The following PRKCA variants were observed in gnomAD, a reference collection of about 807,000 sequenced individuals.
PRKCA encodes protein kinase C alpha.
Under a neutral mutation model 87.0 loss-of-function variants are expected in PRKCA, and 27 were observed. The observed-to-expected ratio is 0.31, with a 90% CI of 0.23 to 0.43. The LOEUF (loss-of-function observed/expected upper bound fraction) is 0.43. Ranked by LOEUF, PRKCA falls within the 20% of genes least tolerant of loss-of-function variation. The pLI is 1.00. For synonymous variants in PRKCA, 329 were observed against 311.1 expected (o/e 1.06, Z -0.61); for missense variants, 518 against 852.3 (o/e 0.61, Z 4.88).
intron 3 of PRKCA, among the ~76,000 whole-genome samples, chr17:66,625,617 G>C (rs1213336160): frequency 6.6e-6 from 1 of 152,108 alleles, no homozygotes; most frequent in Non-Finnish European, 1.5e-5. Flanking sequence ...CTGTCCTCAG[G>C]GGAAAATAGC....
At chr17:66,569,630 G>A (rs1174495282) in intron 3 of PRKCA, among the ~76,000 whole-genome samples, 1 of 152,078 alleles carries the variant, frequency 6.6e-6, no homozygotes, top group Non-Finnish European at 1.5e-5. Context: ...AGAAAAATGG[G>A]GAGGAGATTT....
intron 13 of PRKCA, among the ~76,000 whole-genome samples, chr17:66,746,718 A>G (rs772727869): frequency 2.0e-5 from 3 of 152,190 alleles, no homozygotes; most frequent in Non-Finnish European, 4.4e-5. Flanking sequence ...ATGGACACCC[A>G]CAGAAGGAGC....
chr17:66,790,429 C>T (rs1000552682), intron 16 of PRKCA, among the ~76,000 whole-genome samples: 1 of 152,164 alleles, frequency 6.6e-6, no homozygotes, highest in African/African-American at 2.4e-5. Context: ...TCACGGGCTC[C>T]TGCCCCTCAA....
chr17:66,777,125 G>C (rs560839898), intron 14 of PRKCA: 1 of 692,254 alleles, frequency 1.4e-6, no homozygotes, highest in East Asian at 1.3e-4. Flanking sequence ...ACCACCTGAT[G>C]GTCGCCTGAC....
At chr17:66,624,377 AG>A (rs1970783019) in intron 3 of PRKCA, among the ~76,000 whole-genome samples, 1 of 152,190 alleles carries the variant, frequency 6.6e-6, no homozygotes, top group Non-Finnish European at 1.5e-5. Flanking sequence ...CTACTATTGT[AG>A]TACTTTGGGG....
chr17:66,729,938 G>A (rs555593668), intron 8 of PRKCA, among the ~76,000 whole-genome samples: 64 of 152,100 alleles, frequency 4.2e-4, no homozygotes, highest in African/African-American at 1.4e-3. Context: ...TTATAGGCAT[G>A]TGCCACCATG....
chr17:66,706,796 G>T (rs1973205095), intron 8 of PRKCA, among the ~76,000 whole-genome samples: 1 of 152,172 alleles, frequency 6.6e-6, no homozygotes, highest in African/African-American at 2.4e-5. Context: ...GTCCACAGCT[G>T]TTCCTTTGCT....
chr17:66,646,659 A>T (rs1201540649), intron 5 of PRKCA, among the ~76,000 whole-genome samples: 2 of 152,198 alleles, frequency 1.3e-5, no homozygotes, highest in Non-Finnish European at 2.9e-5. Context: ...TGTTTTAAGA[A>T]AAAAAGGGGA....
intron 3 of PRKCA, among the ~76,000 whole-genome samples, chr17:66,555,211 T>A (rs1968459303): frequency 6.6e-6 from 1 of 152,226 alleles, no homozygotes; most frequent in Non-Finnish European, 1.5e-5. Context: ...GCAGGTATCG[T>A]ATCTTTCTGT....
At chr17:66,466,916 A>AT (rs1915112021) in intron 2 of PRKCA, among the ~76,000 whole-genome samples, 1 of 152,082 alleles carries the variant, frequency 6.6e-6, no homozygotes, top group Non-Finnish European at 1.5e-5. Context: ...CTCAGTTTAA[A>AT]TTTGTGACTG....
intron 2 of PRKCA, among the ~76,000 whole-genome samples, chr17:66,332,229 C>CTTT (rs59302970): frequency 2.3e-5 from 3 of 129,920 alleles, no homozygotes; most frequent in African/African-American, 9.2e-5. Context: ...TTCCTTCCTT[C>CTTT]TTTTTTTTTT....
chr17:66,563,987 CT>C (rs1968799313), intron 3 of PRKCA, among the ~76,000 whole-genome samples: 1 of 128,318 alleles, frequency 7.8e-6, no homozygotes, highest in East Asian at 2.3e-4. Context: ...TCCTTCCTTC[CT>C]TCCTTCCTTC....
intron 2 of PRKCA, among the ~76,000 whole-genome samples, chr17:66,441,006 C>CA (rs112603222): frequency 2.0e-4 from 30 of 151,616 alleles, no homozygotes; most frequent in African/African-American, 5.1e-4. Context: ...ACTAAAAATA[C>CA]AAAAAATTAG....
rs1458635432 is a variant in PRKCA at position 66,387,082 on chromosome 17, G to T, written c.205+80955G>T. ...AATGGGGCTTGATATTTGCATATGG[G>T]CAGGTACATCCTGCTTAATGAACAG... On this transcript the variant is annotated intron_variant, in intron 2 of 16. Coordinates refer to ENST00000413366, the MANE Select transcript of PRKCA (RefSeq NM_002737.3). Among the ~76,000 whole-genome samples the T allele has an allele frequency of 2.0e-5, 3 of 152,176 alleles. No homozygotes were observed. The East Asian group carries it at 5.8e-4, about 29-fold the overall frequency.
At chr17:66,462,087 T>C (rs1207680004) in intron 2 of PRKCA, among the ~76,000 whole-genome samples, 5 of 152,156 alleles carry the variant, frequency 3.3e-5, no homozygotes, top group Admixed American at 2.0e-4. Flanking sequence ...GTGTGTGATA[T>C]ATTCTTTTAA....
chr17:66,494,886 T>C lies in PRKCA; in HGVS notation c.206-1315T>C, dbSNP rs371799152. Among the ~76,000 whole-genome samples the C allele has an allele frequency of 2.0e-4, 30 of 152,214 alleles. No homozygotes were observed. The East Asian group carries it at 3.1e-3, about 16-fold the overall frequency. On this transcript the variant is annotated intron_variant, in intron 2 of 16. Transcript: ENST00000413366. ...GGGAAGCCAAGGTGGACAGATTGCT[T>C]GAGCTTAGGAGTTCGAGACTAGCCT...
chr17:66,702,160 A>G (rs1045319072), intron 8 of PRKCA, among the ~76,000 whole-genome samples: 4 of 152,176 alleles, frequency 2.6e-5, no homozygotes, highest in African/African-American at 9.6e-5. Context: ...ACACACACAC[A>G]TATATACATG....
chr17:66,561,916 T>A (rs1968690583), intron 3 of PRKCA, among the ~76,000 whole-genome samples: 1 of 151,534 alleles, frequency 6.6e-6, no homozygotes. Context: ...TGTTAATGGG[T>A]ATAGAGTTTC....
intron 16 of PRKCA, among the ~76,000 whole-genome samples, chr17:66,800,150 C>G (rs985666145): frequency 3.9e-5 from 6 of 152,208 alleles, no homozygotes; most frequent in African/African-American, 1.4e-4. Flanking sequence ...TCTTATCTCT[C>G]CACCGAAGTG....
Sources: gnomAD v4.1 joint callset for allele counts (sites outside exome capture counted in the v4.1 genomes callset) on GRCh38, gnomAD v4.1.1 for gene constraint, MANE v1.5 for transcripts, NCBI Gene and HGNC (gene_info 2026-07-23, HGNC 2026-07-21) for gene names.